GPR85: variants seen among roughly 807,000 people sequenced by gnomAD.
GPR85 encodes probable G protein-coupled receptor 85.
A neutral mutation model predicts 21.3 loss-of-function variants in GPR85; 7 were observed. The ratio of observed to expected loss-of-function variants is 0.33; its 90% confidence interval spans 0.19 to 0.62. The LOEUF (loss-of-function observed/expected upper bound fraction) is 0.62, where lower values mean the gene tolerates loss of function less well. GPR85 is among the 20% of genes least tolerant of loss of function. The probability of loss-of-function intolerance (pLI) is 0.80; values close to 1 mark genes in which losing one functional copy is unlikely to be tolerated. For missense variants in GPR85, 299 were observed against 443.8 expected (o/e 0.67, Z 2.93); for synonymous variants, 167 against 166.1 (o/e 1.01, Z -0.04).
rs1414402156 is a variant in GPR85 at position 113,086,431 on chromosome 7, T to TTTTTTTTTTTTTTTTTG, written c.-399_-398insCAAAAAAAAAAAAAAAA. 14 of 108,244 alleles carry TTTTTTTTTTTTTTTTTG rather than the reference T, an allele frequency of 1.3e-4. No individual in the cohort carries two copies. Among genetic ancestry groups the TTTTTTTTTTTTTTTTTG allele is most frequent in the African/African-American group, 2.2e-4 (6 of 27,702 alleles). The allele number at this position is 108,244 out of a possible 1,614,324, so 6.7% of individuals were successfully genotyped here. ...TTTTTTTTTTTGTTTTTTGTTTTTT[T>TTTTTTTTTTTTTTTTTG]TTTTTTTTTTTTTGCCTTAGTGCCT... On this transcript the variant is annotated 5_prime_UTR_variant, in exon 1 of 3. It removes the in-frame stop codon of an upstream open reading frame in the 5' UTR. Transcript: ENST00000424100.
At position 113,084,903 on chromosome 7, in the gene GPR85, A is replaced by AG; in HGVS notation, c.-170-13_-170-12insC. On this transcript the variant is annotated splice_polypyrimidine_tract_variant and intron_variant, in intron 2 of 2. Transcript: ENST00000424100. ...TGCCATCAGAATATCTGAAAAAAAA[A>AG]AAAAAAAAAACCTATCAGTTCTTAA... 1.9e-6 allele frequency: 1 copy of AG among 538,910 alleles called. No individual in the cohort carries two copies. The allele number at this position is 538,910 out of a possible 1,614,324, so 33.4% of individuals were successfully genotyped here.
Position 113,083,544 on chromosome 7 carries a change from A to T in GPR85, c.*65T>A. 6 of 1,324,372 alleles carry T rather than the reference A, an allele frequency of 4.5e-6. No homozygotes were observed. Among genetic ancestry groups the T allele is most frequent in the Non-Finnish European group, 6.3e-6 (6 of 953,634 alleles). The allele number at this position is 1,324,372 out of a possible 1,614,324, so 82.0% of individuals were successfully genotyped here. A position where few individuals can be genotyped will look rare whatever the true frequency, so the allele number is the denominator to read the frequency against. On this transcript the variant is annotated 3_prime_UTR_variant, in exon 3 of 3. Transcript: ENST00000424100. This position sits in a 1 kb window ranked among gnomAD's most constrained non-coding sequence, Gnocchi z 4.4. ...TTGAATTTCTTCTCAAAATATGGCT[A>T]TGGGCCACAATTGCTCAGCAGAGAA...
At position 113,084,672 on chromosome 7, in the gene GPR85, G is replaced by A. The variant is rs1184426379; in HGVS notation, c.50C>T (p.Pro17Leu). 1.2e-6 allele frequency: 2 copies of A among 1,613,776 alleles called. No homozygotes were observed. The highest frequency in any genetic ancestry group is 1.7e-5 in the Admixed American group (1 of 60,030). Reference sequence around the variant, plus strand: ...AGTCAGTTTCAGAAAGGCTGTTAGAGGCGAGAGATTTTGCAAAATGTTGTC... The same window carrying A: ...AGTCAGTTTCAGAAAGGCTGTTAGAAGCGAGAGATTTTGCAAAATGTTGTC... ...AADNILQNLS[P>L]LTAFLKLTSL... Residue 17 changes from proline to leucine, a missense_variant, in exon 3 of 3, where the codon CCT (proline) becomes CTT (leucine). This residue lies in a region of GPR85 where 101 missense variants were observed against 108.4 expected (regional missense o/e 0.93). Transcript: ENST00000424100.
At position 113,086,412 on chromosome 7, in the gene GPR85, T is replaced by TTTC. The variant is rs1562996831; in HGVS notation, c.-380_-379insGAA. On this transcript the variant is annotated 5_prime_UTR_variant, in exon 1 of 3. Coordinates refer to ENST00000424100, the MANE Select transcript of GPR85 (RefSeq NM_001146267.2). ...TTTCTTTTTCTTTTTTTTTTTTTTTTTTTTGTTTTTTGTTTTTTTTTTTTT... is the reference window on the plus strand; with the variant it reads ...TTTCTTTTTCTTTTTTTTTTTTTTTTTTCTTTTGTTTTTTGTTTTTTTTTTTTT... The TTTC allele has an allele frequency of 1.1e-5, 1 of 91,404 alleles. No homozygotes were observed. The highest frequency in any genetic ancestry group is 2.1e-5 in the Non-Finnish European group (1 of 47,140). 5.7% of individuals were successfully genotyped at this position (91,404 alleles called of 1,614,324 possible). A position where few individuals can be genotyped will look rare whatever the true frequency, so the allele number is the denominator to read the frequency against.
rs752171751 is a variant in GPR85, at chr7:113,083,337, A to G, written c.*272T>C. 3.6e-5 allele frequency: 14 copies of G among 393,248 alleles called. No homozygotes were observed. The highest frequency in any genetic ancestry group is 1.4e-3 in the Middle Eastern group (2 of 1,468). 24.4% of individuals were successfully genotyped at this position (393,248 alleles called of 1,614,324 possible). ...TTAGCACTGATACTTAGCACCTGCTACTTTCATTATCTAGTTTTTGACCAC... is the reference window on the plus strand; with the variant it reads ...TTAGCACTGATACTTAGCACCTGCTGCTTTCATTATCTAGTTTTTGACCAC... On this transcript the variant is annotated 3_prime_UTR_variant, in exon 3 of 3. Coordinates refer to ENST00000424100, the MANE Select transcript of GPR85 (RefSeq NM_001146267.2). The surrounding 1 kb of genome is among the most constrained non-coding windows in gnomAD (Gnocchi z 4.4).
rs1794305761 is a variant in GPR85, at chr7:113,086,444, T to TTTTTTTTTTGAGATGGA, written c.-412_-411insTCCATCTCAAAAAAAAA. The stretch of plus-strand genomic sequence containing the variant: ...TTTTTGTTTTTTTTTTTTTTTTTTT[T>TTTTTTTTTTGAGATGGA]GCCTTAGTGCCTTGACTGAGCATCC... On this transcript the variant is annotated 5_prime_UTR_variant, in exon 1 of 3. It removes the in-frame stop codon of an upstream open reading frame in the 5' UTR. Transcript: ENST00000424100. The TTTTTTTTTTGAGATGGA allele has an allele frequency of 7.8e-6, 1 of 129,014 alleles. No homozygotes were observed. Among genetic ancestry groups the TTTTTTTTTTGAGATGGA allele is most frequent in the Non-Finnish European group, 1.6e-5 (1 of 61,300 alleles). 8.0% of individuals were successfully genotyped at this position (129,014 alleles called of 1,614,324 possible).
In GPR85 at chr7:113,084,838, C is replaced by CCTG; in HGVS notation, c.-118_-117insCAG. 1 of 671,560 alleles carries CCTG rather than the reference C, an allele frequency of 1.5e-6. No individual in the cohort carries two copies. Among genetic ancestry groups the CCTG allele is most frequent in the Admixed American group, 3.1e-5 (1 of 32,190 alleles). 41.6% of individuals were successfully genotyped at this position (671,560 alleles called of 1,614,324 possible). ...AATATAATCCACAAAGAGAACTGAT[C>CCTG]TGATCTGCAGTCATGCTTCCTCTTT... On this transcript the variant is annotated 5_prime_UTR_variant, in exon 3 of 3. Coordinates refer to ENST00000424100, the MANE Select transcript of GPR85 (RefSeq NM_001146267.2).
At position 113,086,426 on chromosome 7, in the gene GPR85, T is replaced by TTTTTTTG; in HGVS notation, c.-394_-393insCAAAAAA. 1 of 99,926 alleles carries TTTTTTTG rather than the reference T, an allele frequency of 1.0e-5. No homozygotes were observed. Among genetic ancestry groups the TTTTTTTG allele is most frequent in the African/African-American group, 4.2e-5 (1 of 23,608 alleles). The allele number at this position is 99,926 out of a possible 1,614,324, so 6.2% of individuals were successfully genotyped here. A position where few individuals can be genotyped will look rare whatever the true frequency, so the allele number is the denominator to read the frequency against. ...TTTTTTTTTTTTTTTTGTTTTTTGT[T>TTTTTTTG]TTTTTTTTTTTTTTTTTTGCCTTAG... On this transcript the variant is annotated 5_prime_UTR_variant, in exon 1 of 3. The change creates a premature stop within an existing upstream ORF in the 5' untranslated region. Transcript: ENST00000424100.
chr7:113,086,396 C>CTTTTTTTTTTTTTTTTCTTT lies in GPR85; in HGVS notation c.-364_-363insAAAGAAAAAAAAAAAAAAAA, dbSNP rs1794283303. Reference sequence around the variant, plus strand: ...CTGATTTTTTTCTTTTTTTCTTTTTCTTTTTTTTTTTTTTTTTTTTGTTTT... The same window carrying CTTTTTTTTTTTTTTTTCTTT: ...CTGATTTTTTTCTTTTTTTCTTTTTCTTTTTTTTTTTTTTTTCTTTTTTTTTTTTTTTTTTTTTTTGTTTT... On this transcript the variant is annotated 5_prime_UTR_variant, in exon 1 of 3. It removes the in-frame stop codon of an upstream open reading frame in the 5' UTR. Coordinates refer to ENST00000424100, the MANE Select transcript of GPR85 (RefSeq NM_001146267.2). 1 of 48,066 alleles carries CTTTTTTTTTTTTTTTTCTTT rather than the reference C, an allele frequency of 2.1e-5. No homozygotes were observed. The highest frequency in any genetic ancestry group is 9.1e-5 in the African/African-American group (1 of 10,958). 3.0% of individuals were successfully genotyped at this position (48,066 alleles called of 1,614,324 possible). A position where few individuals can be genotyped will look rare whatever the true frequency, so the allele number is the denominator to read the frequency against.
rs779197400 is a variant in GPR85, at chr7:113,084,274, C to T, written c.448G>A (p.Val150Met). Residue 150 changes from valine to methionine, a missense_variant, in exon 3 of 3, where the codon GTG becomes ATG. Physicochemically the swap from Val to Met is conservative, Grantham distance 21. This residue lies in a region of GPR85 where 198 missense variants were observed against 335.4 expected (regional missense o/e 0.59). Coordinates refer to ENST00000424100, the MANE Select transcript of GPR85 (RefSeq NM_001146267.2). Reference sequence around the variant, plus strand: ...AAAACCGGGGGAAATGCCATGGCCACAGACAGAGTCCACACCATACAGATC... The same window carrying T: ...AAAACCGGGGGAAATGCCATGGCCATAGACAGAGTCCACACCATACAGATC... ...AVICMVWTLSVAMAFPPVLDV... is the reference protein window; with the variant it reads ...AVICMVWTLSMAMAFPPVLDV... The T allele has an allele frequency of 1.4e-5, 23 of 1,613,978 alleles. No individual in the cohort carries two copies. Among genetic ancestry groups the T allele is most frequent in the South Asian group, 2.2e-5 (2 of 91,088 alleles).
chr7:113,083,526 T>C lies in GPR85; in HGVS notation c.*83A>G. The C allele has an allele frequency of 7.9e-7, 1 of 1,265,870 alleles. No individual in the cohort carries two copies. 78.4% of individuals were successfully genotyped at this position (1,265,870 alleles called of 1,614,324 possible). ...AAACTGCTGATTCCATTCTTGAATTTCTTCTCAAAATATGGCTATGGGCCA... is the reference window on the plus strand; with the variant it reads ...AAACTGCTGATTCCATTCTTGAATTCCTTCTCAAAATATGGCTATGGGCCA... On this transcript the variant is annotated 3_prime_UTR_variant, in exon 3 of 3. Transcript: ENST00000424100. The surrounding 1 kb of genome is among the most constrained non-coding windows in gnomAD (Gnocchi z 4.4).
In GPR85 at chr7:113,084,439, T is replaced by G. The variant is rs758804789; in HGVS notation, c.283A>C (p.Lys95Gln). 1.9e-6 allele frequency: 3 copies of G among 1,614,108 alleles called. No homozygotes were observed. The Admixed American group carries it at 5.0e-5, about 27-fold the overall frequency. ...AAAACCCCCAGAAAGGCAATCACTTTGCAAGTCAGAGTCCCATAAGTCCAG... is the reference window on the plus strand; with the variant it reads ...AAAACCCCCAGAAAGGCAATCACTTGGCAAGTCAGAGTCCCATAAGTCCAG... ...STWTYGTLTCKVIAFLGVLSC... is the reference protein window; with the variant it reads ...STWTYGTLTCQVIAFLGVLSC... Residue 95 changes from lysine (K) to glutamine (Q), a missense_variant, in exon 3 of 3, where the codon AAA (lysine) becomes CAA (glutamine). Coordinates refer to ENST00000424100, the MANE Select transcript of GPR85 (RefSeq NM_001146267.2).
At position 113,084,521 on chromosome 7, in the gene GPR85, G is replaced by T. The variant is rs146204973; in HGVS notation, c.201C>A (p.Ile67=). ...ATGGGAAACAAATTGCAGATCTGAG[G>T]ATATCTGAACAGCAAAGATCCAACA... is the stretch of plus-strand genomic sequence containing the variant. ...YFLLDLCCSD[I]LRSAICFPFV... Residue 67 remains isoleucine (I), a synonymous_variant, in exon 3 of 3, where the codon ATC becomes ATA. Transcript: ENST00000424100. 5.5e-4 allele frequency: 893 copies of T among 1,612,110 alleles called. No homozygotes were observed. Among genetic ancestry groups the T allele is most frequent in the Non-Finnish European group, 7.2e-4 (854 of 1,178,138 alleles).
rs1794160684 is a variant in GPR85, at chr7:113,082,370, A to G, written c.*1239T>C. 6.6e-6 allele frequency: 1 copy of G among 152,628 alleles called. No individual in the cohort carries two copies. The highest frequency in any genetic ancestry group is 2.1e-4 in the South Asian group (1 of 4,834). 9.5% of individuals were successfully genotyped at this position (152,628 alleles called of 1,614,324 possible). ...ACAGACTCTAATGTATTTCTAAAATACCAGAAATCATAATATAAGCTTTCA... is the reference window on the plus strand; with the variant it reads ...ACAGACTCTAATGTATTTCTAAAATGCCAGAAATCATAATATAAGCTTTCA... On this transcript the variant is annotated 3_prime_UTR_variant, in exon 3 of 3. Transcript: ENST00000424100.
rs1794287490 is a variant in GPR85, at chr7:113,086,399, T to TTTTGTTTTTTTTTTTG, written c.-367_-366insCAAAAAAAAAAACAAA. The TTTTGTTTTTTTTTTTG allele has an allele frequency of 2.9e-5, 1 of 35,028 alleles. No individual in the cohort carries two copies. Among genetic ancestry groups the TTTTGTTTTTTTTTTTG allele is most frequent in the Non-Finnish European group, 6.3e-5 (1 of 15,890 alleles). The allele number at this position is 35,028 out of a possible 1,614,324, so 2.2% of individuals were successfully genotyped here. On this transcript the variant is annotated 5_prime_UTR_variant, in exon 1 of 3. An upstream open reading frame in the 5' UTR loses its in-frame stop. Transcript: ENST00000424100. The stretch of plus-strand genomic sequence containing the variant: ...ATTTTTTTCTTTTTTTCTTTTTCTT[T>TTTTGTTTTTTTTTTTG]TTTTTTTTTTTTTTTTTGTTTTTTG...
In GPR85 at chr7:113,083,601, A is replaced by G. The variant is rs767143185; in HGVS notation, c.*8T>C. On this transcript the variant is annotated 3_prime_UTR_variant, in exon 3 of 3. Coordinates refer to ENST00000424100, the MANE Select transcript of GPR85 (RefSeq NM_001146267.2). The surrounding 1 kb of genome is among the most constrained non-coding windows in gnomAD (Gnocchi z 4.4). The stretch of plus-strand genomic sequence containing the variant: ...TTTTCACAAGGCTAAAGATTTACAG[A>G]TGCTCCCTCATATAACACAGTAAGG... The G allele has an allele frequency of 1.2e-6, 2 of 1,603,462 alleles. No individual in the cohort carries two copies. Among genetic ancestry groups the G allele is most frequent in the Non-Finnish European group, 1.7e-6 (2 of 1,174,720 alleles).
At position 113,086,430 on chromosome 7, in the gene GPR85, T is replaced by TTTTTTG. The variant is rs1794300943; in HGVS notation, c.-398_-397insCAAAAA. On this transcript the variant is annotated 5_prime_UTR_variant, in exon 1 of 3. Transcript: ENST00000424100. ...TTTTTTTTTTTTGTTTTTTGTTTTT[T>TTTTTTG]TTTTTTTTTTTTTTGCCTTAGTGCC... 6 of 106,540 alleles carry TTTTTTG rather than the reference T, an allele frequency of 5.6e-5. No homozygotes were observed. Among genetic ancestry groups the TTTTTTG allele is most frequent in the African/African-American group, 2.3e-4 (6 of 26,132 alleles). 6.6% of individuals were successfully genotyped at this position (106,540 alleles called of 1,614,324 possible).
In GPR85 at chr7:113,084,176, A is replaced by G; in HGVS notation, c.546T>C (p.Asn182=). 4 of 1,614,124 alleles carry G rather than the reference A, an allele frequency of 2.5e-6. No individual in the cohort carries two copies. The highest frequency in any genetic ancestry group is 3.4e-6 in the Non-Finnish European group (4 of 1,179,994). Reference sequence around the variant, plus strand: ...GAAGCAGCATAAATCCTAAGGAATCATTAGCCCTGAAGGAGCGGTGTTGGA... The same window carrying G: ...GAAGCAGCATAAATCCTAAGGAATCGTTAGCCCTGAAGGAGCGGTGTTGGA... ...CTFQHRSFRA[N]DSLGFMLLLA... Residue 182 remains asparagine (N), a synonymous_variant, in exon 3 of 3, where the codon AAT becomes AAC. Coordinates refer to ENST00000424100, the MANE Select transcript of GPR85 (RefSeq NM_001146267.2).
At chr7:113,085,765 T>C (rs1794255885) in intron 2 of GPR85, among the ~76,000 whole-genome samples, 1 of 152,206 alleles carries the variant, frequency 6.6e-6, no homozygotes. Context: ...CTTCCTCTGT[T>C]ATTCCCACCA....
Sources: gnomAD v4.1 joint callset for allele counts (sites outside exome capture counted in the v4.1 genomes callset) on GRCh38, gnomAD v4.1.1 for gene constraint, gnomAD v4.1.1 regional missense constraint, Gnocchi (gnomAD v3.1) non-coding constraint, MANE v1.5 for transcripts, NCBI Gene and HGNC (gene_info 2026-07-23, HGNC 2026-07-21) for gene names.